Variants in PLXNA4 observed in about 807,000 individuals in gnomAD.
PLXNA4 encodes plexin-A4.
PLXNA4 carries 44 observed loss-of-function variants against 191.8 expected under a neutral mutation model. The observed-to-expected ratio is 0.23, with a 90% CI of 0.18 to 0.29. The LOEUF is 0.29. Among genes scored for constraint, PLXNA4 ranks in the 10% least tolerant of loss-of-function variants. PLXNA4 has a pLI of 1.00. For synonymous variants in PLXNA4, 1,082 were observed against 1,009.5 expected (o/e 1.07, Z -1.36); for missense variants, 1,800 against 2,488.8 (o/e 0.72, Z 5.89).
intron 30 of PLXNA4, among the ~76,000 whole-genome samples, chr7:132,134,694 A>G (rs1243546343): frequency 6.6e-6 from 1 of 152,206 alleles, no homozygotes; most frequent in South Asian, 2.1e-4. Flanking sequence ...GACAGGCAAC[A>G]AGGCCAAGGG....
intron 30 of PLXNA4, among the ~76,000 whole-genome samples, chr7:132,138,249 T>A (rs1795170200): frequency 6.6e-6 from 1 of 152,040 alleles, no homozygotes; most frequent in South Asian, 2.1e-4. Context: ...AGCCTCTAAG[T>A]AAAAAGTCCT....
intron 3 of PLXNA4, among the ~76,000 whole-genome samples, chr7:132,466,114 C>G (rs997113413): frequency 2.6e-5 from 4 of 152,142 alleles, no homozygotes; most frequent in Non-Finnish European, 5.9e-5. Context: ...CATCAGCCAG[C>G]TAGGCAGAAA....
intron 2 of PLXNA4, among the ~76,000 whole-genome samples, chr7:132,616,495 G>A (rs1308628140): frequency 6.6e-6 from 1 of 152,132 alleles, no homozygotes; most frequent in Non-Finnish European, 1.5e-5. Context: ...CTCCAGCCCA[G>A]TGGCCTCCAA....
intron 3 of PLXNA4, among the ~76,000 whole-genome samples, chr7:132,453,548 GTT>G (rs35197607): frequency 3.2e-4 from 47 of 148,196 alleles, no homozygotes; most frequent in Non-Finnish European, 5.7e-4. Context: ...CACAGTGAGG[GTT>G]TTTTTTTTTT....
chr7:132,347,529 G>T (rs1803293966), intron 3 of PLXNA4, among the ~76,000 whole-genome samples: 1 of 152,226 alleles, frequency 6.6e-6, no homozygotes, highest in South Asian at 2.1e-4. Context: ...CCAGCTCAAT[G>T]AAGAGGTATT....
chr7:132,287,111 T>A (rs183176193), intron 4 of PLXNA4, among the ~76,000 whole-genome samples: 1 of 152,186 alleles, frequency 6.6e-6, no homozygotes, highest in Non-Finnish European at 1.5e-5. Context: ...CTCGGCTCAC[T>A]GCAACCTCTG....
intron 24 of PLXNA4, among the ~76,000 whole-genome samples, chr7:132,162,067 C>T (rs1307629015): frequency 6.6e-6 from 1 of 152,228 alleles, no homozygotes; most frequent in Non-Finnish European, 1.5e-5. Context: ...CCGTGGTTCT[C>T]TCTCCTGCCC....
At chr7:132,186,924 A>G (rs1796897668) in intron 15 of PLXNA4, among the ~76,000 whole-genome samples, 1 of 152,182 alleles carries the variant, frequency 6.6e-6, no homozygotes, top group South Asian at 2.1e-4. Context: ...ATAAGCAACA[A>G]GAGGCCACAA....
chr7:132,577,127 G>A (rs1802279067), upstream of PLXNA4: 1 of 146,574 alleles, frequency 6.8e-6, no homozygotes, highest in Non-Finnish European at 1.5e-5. Flanking sequence ...GGTGGCTGCG[G>A]CGGCTGGCGC....
chr7:132,420,319 C>G (rs2117139217), intron 3 of PLXNA4, among the ~76,000 whole-genome samples: 1 of 152,336 alleles, frequency 6.6e-6, no homozygotes, highest in Admixed American at 6.5e-5. Flanking sequence ...ACCCATGGGA[C>G]TGTGATCCAG....
intron 21 of PLXNA4, among the ~76,000 whole-genome samples, chr7:132,173,042 A>G (rs1185895757): frequency 6.6e-6 from 1 of 152,134 alleles, no homozygotes; most frequent in Non-Finnish European, 1.5e-5. Flanking sequence ...CAGGCACTCT[A>G]CTCTGCTGGA....
intron 1 of PLXNA4, among the ~76,000 whole-genome samples, chr7:132,529,607 C>CT (rs35449894): frequency 0.37 from 50,683 of 136,066 alleles, 9,645 homozygotes; most frequent in Middle Eastern, 0.4. Context: ...AATAGGTATT[C>CT]TTTTTTTTTT....
intron 1 of PLXNA4, among the ~76,000 whole-genome samples, chr7:132,524,804 T>C (rs1194741131): frequency 2.6e-5 from 4 of 152,168 alleles, no homozygotes; most frequent in Non-Finnish European, 4.4e-5. Flanking sequence ...CCTGACCTCG[T>C]GATCCACCCG....
chr7:132,635,483 T>C (rs201501682), intron 2 of PLXNA4, among the ~76,000 whole-genome samples: 2 of 152,096 alleles, frequency 1.3e-5, no homozygotes, highest in East Asian at 3.9e-4. Flanking sequence ...CAAAATACAG[T>C]GCTAGATTCA....
Position 132,159,469 on chromosome 7 carries a change from T to C in PLXNA4, c.4660+4A>G. On this transcript the variant is annotated splice_donor_region_variant and intron_variant, in intron 25 of 31. Coordinates refer to ENST00000321063, the MANE Select transcript of PLXNA4 (RefSeq NM_020911.2). Reference sequence around the variant, plus strand: ...GACAGCCCCTGGGTGGACAGCCTACTCACCCAGATCCATATCTGCAGCTTT... The same window carrying C: ...GACAGCCCCTGGGTGGACAGCCTACCCACCCAGATCCATATCTGCAGCTTT... 6.2e-7 allele frequency: 1 copy of C among 1,613,936 alleles called. No homozygotes were observed. Among genetic ancestry groups the C allele is most frequent in the Non-Finnish European group, 8.5e-7 (1 of 1,179,900 alleles).
At chr7:132,621,763 G>T (rs758393276) in intron 2 of PLXNA4, among the ~76,000 whole-genome samples, 9 of 152,216 alleles carry the variant, frequency 5.9e-5, no homozygotes, top group Non-Finnish European at 1.3e-4. Context: ...AGTTATGAAA[G>T]AACCAGTTTC....
intron 20 of PLXNA4, 149 bp downstream of exon 20, chr7:132,179,538 C>A: frequency 8.7e-7 from 1 of 1,154,270 alleles, no homozygotes; most frequent in Non-Finnish European, 1.2e-6. Context: ...CGCACAGACA[C>A]ACACACCGCC....
intron 2 of PLXNA4, 73 bp downstream of exon 2, chr7:132,507,433 C>T: frequency 6.8e-7 from 1 of 1,479,498 alleles, no homozygotes; most frequent in Non-Finnish European, 9.1e-7. Flanking sequence ...ATACACATCC[C>T]ATGGGGGCTA....
intron 4 of PLXNA4, among the ~76,000 whole-genome samples, chr7:132,245,856 T>A (rs907178690): frequency 2.0e-5 from 3 of 152,214 alleles, no homozygotes; most frequent in African/African-American, 7.2e-5. Flanking sequence ...ACTGCATGAT[T>A]CTGCTTATGT....
Sources: gnomAD v4.1 joint callset for allele counts (sites outside exome capture counted in the v4.1 genomes callset) on GRCh38, gnomAD v4.1.1 for gene constraint, MANE v1.5 for transcripts, NCBI Gene and HGNC (gene_info 2026-07-23, HGNC 2026-07-21) for gene names.